The following SVIL variants were observed in gnomAD, a reference collection of about 807,000 sequenced individuals.
SVIL encodes supervillin, also known as archvillin.
Under a neutral mutation model 240.4 loss-of-function variants are expected in SVIL, and 101 were observed. That is an observed-to-expected ratio of 0.42 (90% CI 0.36 to 0.50). SVIL has a LOEUF of 0.50. SVIL is among the 20% of genes least tolerant of loss of function. SVIL has a pLI of 0.01. For missense variants in SVIL, 2,512 were observed against 2,818.7 expected, an observed-to-expected ratio of 0.89 and a Z score of 2.46; for synonymous variants, 999 against 1,100.0, an observed-to-expected ratio of 0.91 and a Z score of 1.82.
chr10:29,574,251 T>A (rs1955584335), intron 1 of SVIL, among the ~76,000 whole-genome samples: 1 of 152,204 alleles, frequency 6.6e-6, no homozygotes. Context: ...TAGATGGGCG[T>A]GCGAACCTGC....
rs1476945925 is a variant in SVIL, at chr10:29,523,453, C to A, written c.3161G>T (p.Arg1054Ile). 6.3e-7 allele frequency: 1 copy of A among 1,594,648 alleles called. No homozygotes were observed. The highest frequency in any genetic ancestry group is 8.5e-7 in the Non-Finnish European group (1 of 1,170,524). ...ENVMKRKFSL[R>I]AAEFGEPTSE... ...CTTTAGGGGCACTGGTCACTTACCT[C>A]TTAGTGAAAACTTCCTTTTCATAAC... The change falls in exon 15 of 38, where the codon AGA becomes ATA. Residue 1054 changes from arginine to isoleucine, a missense_variant and splice_region_variant. By Grantham distance (97) the Arg-to-Ile change is moderately conservative. Transcript: ENST00000355867.
chr10:29,644,620 G>A (rs918726394), intron 3 of SVIL, among the ~76,000 whole-genome samples: 4 of 152,092 alleles, frequency 2.6e-5, no homozygotes, highest in African/African-American at 4.8e-5. Flanking sequence ...GCAGTGAGCC[G>A]AGATCATGCC....
chr10:29,607,567 T>G (rs1957073045), intron 1 of SVIL, among the ~76,000 whole-genome samples: 1 of 152,196 alleles, frequency 6.6e-6, no homozygotes. Flanking sequence ...AGATTTGACA[T>G]GTTTCATGTT....
chr10:29,654,079 T>C lies in SVIL; in HGVS notation c.-201+3890A>G, dbSNP rs1021780914. The stretch of plus-strand genomic sequence containing the variant: ...AGTATCTACTTGTCAATTAAAAAAA[T>C]TCATTTGAGATTTTTGACAGAGATT... On this transcript the variant is annotated intron_variant, in intron 3 of 35. Coordinates refer to the SVIL transcript ENST00000375400. 1.4e-4 allele frequency among the ~76,000 whole-genome samples: 21 copies of C among 152,296 alleles called. No homozygotes were observed. In the East Asian group the frequency reaches 4.0e-3, roughly 29 times the overall value.
chr10:29,661,400 C>T (rs915358786), intron 2 of SVIL, among the ~76,000 whole-genome samples: 2 of 152,024 alleles, frequency 1.3e-5, no homozygotes, highest in Non-Finnish European at 2.9e-5. Flanking sequence ...GTTCGAGAAA[C>T]GAGTCAAACC....
At chr10:29,524,445 A>G in intron 14 of SVIL, 27 bp downstream of exon 14, 2 of 1,611,512 alleles carry the variant, frequency 1.2e-6, no homozygotes, top group Non-Finnish European at 1.7e-6. Context: ...ACACACACAA[A>G]CTGCAATCGG....
intron 29 of SVIL, among the ~76,000 whole-genome samples, chr10:29,479,448 C>T (rs1253499728): frequency 2.0e-5 from 3 of 152,208 alleles, no homozygotes; most frequent in Non-Finnish European, 2.9e-5. Context: ...CCCCCAGCAT[C>T]GTGCCCTGAG....
chr10:29,693,837 C>T (rs771261034), intron 1 of SVIL, among the ~76,000 whole-genome samples: 1 of 152,166 alleles, frequency 6.6e-6, no homozygotes, highest in Non-Finnish European at 1.5e-5. Context: ...TTAATCAAAT[C>T]TTCTTTCTTC....
intron 3 of SVIL, among the ~76,000 whole-genome samples, chr10:29,641,186 C>T (rs1225089748): frequency 6.6e-6 from 1 of 151,758 alleles, no homozygotes; most frequent in Non-Finnish European, 1.5e-5. Flanking sequence ...GGTGGAAGGA[C>T]CGAAGCAAGG....
intron 3 of SVIL, among the ~76,000 whole-genome samples, chr10:29,559,305 T>C (rs1337654539): frequency 5.3e-5 from 8 of 152,204 alleles, no homozygotes; most frequent in Admixed American, 4.6e-4. Context: ...TTTATTCTTC[T>C]TTCTCTTAAG....
intron 3 of SVIL, among the ~76,000 whole-genome samples, chr10:29,562,403 A>C (rs1954565856): frequency 6.6e-6 from 1 of 152,268 alleles, no homozygotes; most frequent in Admixed American, 6.5e-5. Context: ...GGAAGAAGAA[A>C]GATGCTCATG....
chr10:29,533,234 T>C lies in SVIL; in HGVS notation c.1133A>G (p.Lys378Arg). ...TTCTGGGGTTTCTGGCGTCACTAGC[T>C]TGGCGGTGTGACCGGTATCTGCGGG... ...VQPADTGHTA[K>R]LVTPETPENA... Residue 378 changes from lysine to arginine, a missense_variant, in exon 8 of 38, where the codon AAG becomes AGG. Physicochemically the swap from Lys to Arg is conservative, Grantham distance 26 (BLOSUM62 2). This residue lies in a region of SVIL where 1,443 missense variants were observed against 1,486.6 expected (regional missense o/e 0.97). Transcript: ENST00000355867. The C allele has an allele frequency of 1.2e-6, 2 of 1,614,134 alleles. No individual in the cohort carries two copies. The highest frequency in any genetic ancestry group is 1.7e-6 in the Non-Finnish European group (2 of 1,180,020).
intron 2 of SVIL, among the ~76,000 whole-genome samples, chr10:29,568,819 ATG>A (rs34450558): frequency 2.7e-5 from 4 of 147,120 alleles, no homozygotes; most frequent in South Asian, 2.2e-4. Flanking sequence ...GGATGGATGG[ATG>A]TGTGTGTGTG....
chr10:29,701,636 T>A (rs1262384360), intron 1 of SVIL, among the ~76,000 whole-genome samples: 3 of 152,194 alleles, frequency 2.0e-5, no homozygotes, highest in African/African-American at 7.2e-5. Context: ...CCATTTTCTA[T>A]TAAAATAGAT....
At chr10:29,694,557 T>G (rs1446904742) in intron 1 of SVIL, among the ~76,000 whole-genome samples, 1 of 152,118 alleles carries the variant, frequency 6.6e-6, no homozygotes. Context: ...CCTCCCGGGT[T>G]CAAGTGATTC....
At chr10:29,623,575 G>A (rs1191072151) in intron 1 of SVIL, among the ~76,000 whole-genome samples, 1 of 152,240 alleles carries the variant, frequency 6.6e-6, no homozygotes, top group Non-Finnish European at 1.5e-5. Context: ...TGCCAGGCAG[G>A]CGCGGAGGCT....
rs1337469134 is a variant in SVIL at position 29,512,774 on chromosome 10, G to T, written c.3477C>A (p.Ser1159Arg). 1 of 1,613,814 alleles carries T rather than the reference G, an allele frequency of 6.2e-7. No homozygotes were observed. The highest frequency in any genetic ancestry group is 1.3e-5 in the African/African-American group (1 of 75,046). The change falls in exon 17 of 38, where the codon AGC (serine) becomes AGA (arginine). Residue 1159 changes from serine to arginine, a missense_variant. Ser to Arg is a moderately radical substitution (Grantham distance 110). Around this residue, in one of 3 missense-constraint regions of SVIL, gnomAD observed 1,443 missense variants for 1,486.6 expected, o/e 0.97. Transcript: ENST00000355867. ...ACCGCCCTGCTTCCTGGGTGTGCAG[G>T]CTGCTGGCCGGCGCCTTGCCGCCCT... Reference protein sequence around the residue: ...RQEGGKAPASSLHTQEAGRSL... With the variant: ...RQEGGKAPASRLHTQEAGRSL...
At chr10:29,626,887 G>A (rs908247154) in intron 1 of SVIL, among the ~76,000 whole-genome samples, 2 of 152,102 alleles carry the variant, frequency 1.3e-5, no homozygotes, top group Non-Finnish European at 2.9e-5. Context: ...AGCTGGGCGT[G>A]GTGGCGGGCG....
rs573358307 is a variant in SVIL, at chr10:29,544,511, T to C, written c.827+6086A>G. ...GGCTCACACGTGTAGTCCCAGCACTTTGGGAGGCCAAGACGGGTGGATCGC... is the reference window on the plus strand; with the variant it reads ...GGCTCACACGTGTAGTCCCAGCACTCTGGGAGGCCAAGACGGGTGGATCGC... On this transcript the variant is annotated intron_variant, in intron 6 of 37. Coordinates refer to ENST00000355867, the MANE Select transcript of SVIL (RefSeq NM_021738.3). Among the ~76,000 whole-genome samples, 322 of 152,154 alleles carry C rather than the reference T, an allele frequency of 2.1e-3. 2 individuals are homozygous for C. Among genetic ancestry groups the C allele is most frequent in the Non-Finnish European group, 3.6e-3 (246 of 67,994 alleles).
Sources: allele counts gnomAD v4.1 joint callset (sites outside exome capture counted in the v4.1 genomes callset), GRCh38; gene constraint gnomAD v4.1.1; regional missense constraint gnomAD v4.1.1; transcripts MANE v1.5; gene names NCBI Gene and HGNC (gene_info 2026-07-23, HGNC 2026-07-21).